PRSS21: variants seen among roughly 807,000 people sequenced by gnomAD.
The protein encoded by PRSS21 is serine protease 21.
In PRSS21, 40 loss-of-function variants were observed where a neutral mutation model predicts 31.1. The observed-to-expected ratio is 1.29, with a 90% CI of 1.00 to 1.68. The LOEUF (loss-of-function observed/expected upper bound fraction) is 1.68. Among genes scored for constraint, PRSS21 ranks in the 40% most tolerant of loss-of-function variants. PRSS21 has a pLI of 0.00. For synonymous variants in PRSS21, 186 were observed against 167.7 expected, an observed-to-expected ratio of 1.11 and a Z score of -0.84; for missense variants, 467 against 412.6, an observed-to-expected ratio of 1.13 and a Z score of -1.14.
Position 2,817,732 on chromosome 16 carries a change from G to A in PRSS21, c.92-69G>A. On this transcript the variant is annotated intron_variant, in intron 2 of 5. Transcript: ENST00000005995. This position sits in a 1 kb window ranked among gnomAD's most constrained non-coding sequence, Gnocchi z 4.2. ...CGTGCTTTCCCGGACGGGGTTGAAG[G>A]GGAGAAAGGGAGAGGTCGGGCTTGG... The A allele has an allele frequency of 6.6e-7, 1 of 1,516,954 alleles. No homozygotes were observed. Among genetic ancestry groups the A allele is most frequent in the South Asian group, 1.2e-5 (1 of 81,650 alleles). 94.0% of individuals were successfully genotyped at this position (1,516,954 alleles called of 1,614,324 possible).
At chr16:2,820,810 G>A in intron 4 of PRSS21, 145 bp from the exon 5 acceptor site, 1 of 800,048 alleles carries the variant, frequency 1.2e-6, no homozygotes, top group East Asian at 2.4e-5. Context: ...GTTGTGCTGG[G>A]GTCTGGGTTG....
At chr16:2,821,146 C>T (rs773656834) in intron 5 of PRSS21, 37 bp downstream of exon 5, 1 of 1,610,928 alleles carries the variant, frequency 6.2e-7, no homozygotes, top group Admixed American at 1.7e-5. Flanking sequence ...CCCAGGAAAG[C>T]ATCCTGTGTC....
rs770255285 is a variant in PRSS21, at chr16:2,818,834, G to C, written c.415G>C (p.Ala139Pro). 1.2e-6 allele frequency: 2 copies of C among 1,613,808 alleles called. No individual in the cohort carries two copies. The highest frequency in any genetic ancestry group is 1.7e-6 in the Non-Finnish European group (2 of 1,179,706). The change falls in exon 4 of 6, where the codon GCC becomes CCC. Residue 139 changes from alanine (A) to proline (P), a missense_variant. By Grantham distance (27) the Ala-to-Pro change is conservative (BLOSUM62 -1). Coordinates refer to ENST00000005995, the MANE Select transcript of PRSS21 (RefSeq NM_006799.4). Reference sequence around the variant, plus strand: ...CCTGGGGAATTCACCCTATGACATTGCCTTGGTGAAGCTGTCTGCACCTGT... The same window carrying C: ...CCTGGGGAATTCACCCTATGACATTCCCTTGGTGAAGCTGTCTGCACCTGT... ...RYLGNSPYDI[A>P]LVKLSAPVTY...
Position 2,820,943 on chromosome 16 carries a change from T to C in PRSS21, c.551-12T>C, listed in dbSNP as rs79724175. On this transcript the variant is annotated splice_polypyrimidine_tract_variant and intron_variant, in intron 4 of 5. Coordinates refer to ENST00000005995, the MANE Select transcript of PRSS21 (RefSeq NM_006799.4). ...GTTGCTGTCTCTCTCCTTCCCACTA[T>C]CGTCCGCACAGCACTGCCATCTCCC... 11,733 of 1,612,120 alleles carry C rather than the reference T, an allele frequency of 7.3e-3. 561 individuals are homozygous for C. In the Admixed American group the frequency reaches 0.095, roughly 13 times the overall value.
chr16:2,819,534 C>T (rs927636148), intron 4 of PRSS21, among the ~76,000 whole-genome samples: 4 of 152,224 alleles, frequency 2.6e-5, no homozygotes, highest in East Asian at 1.9e-4. Flanking sequence ...GGAGGAGCCC[C>T]GGCAGCCCCA....
Sources: allele counts gnomAD v4.1 joint callset (sites outside exome capture counted in the v4.1 genomes callset), GRCh38; gene constraint gnomAD v4.1.1; non-coding constraint Gnocchi (gnomAD v3.1); transcripts MANE v1.5; gene names NCBI Gene and HGNC (gene_info 2026-07-23, HGNC 2026-07-21).